The following TCERG1L variants were observed in gnomAD, a reference collection of about 807,000 sequenced individuals.
The protein encoded by TCERG1L is transcription elongation regulator 1 like.
A neutral mutation model predicts 56.3 loss-of-function variants in TCERG1L; 37 were observed. The ratio of observed to expected loss-of-function variants is 0.66; its 90% confidence interval spans 0.51 to 0.87. TCERG1L has a LOEUF of 0.87. Ranked by LOEUF, TCERG1L falls within the 40% of genes least tolerant of loss-of-function variation. The probability of loss-of-function intolerance (pLI) is 0.00; values close to 1 mark genes in which losing one functional copy is unlikely to be tolerated. For synonymous variants in TCERG1L, 324 were observed against 326.3 expected, an observed-to-expected ratio of 0.99 and a Z score of 0.08; for missense variants, 799 against 774.2, an observed-to-expected ratio of 1.03 and a Z score of -0.38.
At chr10:131,231,572 G>T (rs867551040) in intron 4 of TCERG1L, among the ~76,000 whole-genome samples, 2 of 152,052 alleles carry the variant, frequency 1.3e-5, no homozygotes, top group Admixed American at 6.5e-5. Context: ...GAGCCCCTCC[G>T]GCATCAGAGG....
chr10:131,097,825 G>T (rs1156663433), intron 11 of TCERG1L, among the ~76,000 whole-genome samples: 1 of 152,114 alleles, frequency 6.6e-6, no homozygotes, highest in African/African-American at 2.4e-5. Context: ...CAGTTCACTT[G>T]TCCGGTGTAT....
chr10:131,257,621 A>T (rs1564827380), intron 4 of TCERG1L, among the ~76,000 whole-genome samples: 1 of 152,182 alleles, frequency 6.6e-6, no homozygotes, highest in East Asian at 1.9e-4. Flanking sequence ...CCACAGAGCC[A>T]CTACCTATAC....
intron 3 of TCERG1L, among the ~76,000 whole-genome samples, chr10:131,289,803 T>C (rs1846591208): frequency 2.2e-5 from 1 of 45,352 alleles, no homozygotes; most frequent in African/African-American, 6.2e-5. Flanking sequence ...CTGCTGTGTG[T>C]GAGCAGGTGT....
chr10:131,202,379 C>T (rs1343242425), intron 4 of TCERG1L, among the ~76,000 whole-genome samples: 4 of 152,042 alleles, frequency 2.6e-5, no homozygotes, highest in African/African-American at 7.2e-5. Context: ...GTCAGGAGTC[C>T]GAGACCAGTC....
intron 9 of TCERG1L, among the ~76,000 whole-genome samples, chr10:131,110,544 C>T (rs1845400116): frequency 2.0e-5 from 3 of 152,210 alleles, no homozygotes; most frequent in South Asian, 4.1e-4. Context: ...CCCCAAAGCA[C>T]GGCCCGAGCC....
rs534109032 is a variant in TCERG1L, at chr10:131,259,135, G to A, written c.856+1124C>T. 9.2e-5 allele frequency among the ~76,000 whole-genome samples: 14 copies of A among 152,278 alleles called. 1 individual carries two copies. In the South Asian group the frequency reaches 2.7e-3, roughly 29 times the overall value. On this transcript the variant is annotated intron_variant, in intron 4 of 11. Transcript: ENST00000368642. ...AACCAGCATAGAAATAGCGAACGCCGAAGGTCCATTGTTGAAAAAGACCAC... is the reference window on the plus strand; with the variant it reads ...AACCAGCATAGAAATAGCGAACGCCAAAGGTCCATTGTTGAAAAAGACCAC...
At chr10:131,155,838 C>G (rs56385408) in intron 6 of TCERG1L, among the ~76,000 whole-genome samples, 1 of 152,176 alleles carries the variant, frequency 6.6e-6, no homozygotes, top group Non-Finnish European at 1.5e-5. Flanking sequence ...CTCTCAAATG[C>G]GAGCTAAATG....
Position 131,223,603 on chromosome 10 carries a change from C to CACATGCTCACACACACTG in TCERG1L, c.856+36638_856+36655dup, listed in dbSNP as rs960616887. 5.3e-5 allele frequency among the ~76,000 whole-genome samples: 8 copies of CACATGCTCACACACACTG among 152,182 alleles called. No homozygotes were observed. The East Asian group carries it at 1.4e-3, about 26-fold the overall frequency. The stretch of plus-strand genomic sequence containing the variant: ...CAAAGCACATGTGTGCACACTCACC[C>CACATGCTCACACACACTG]ACATGCTCACACACACTGACATGCT... On this transcript the variant is annotated intron_variant, in intron 4 of 11. Coordinates refer to ENST00000368642, the MANE Select transcript of TCERG1L (RefSeq NM_174937.4).
chr10:131,293,833 G>A (rs532932791), intron 3 of TCERG1L, among the ~76,000 whole-genome samples: 1 of 152,194 alleles, frequency 6.6e-6, no homozygotes, highest in East Asian at 1.9e-4. Flanking sequence ...TTCAGGTTGG[G>A]TAATTTTATT....
chr10:131,210,943 T>C (rs1012491432), intron 4 of TCERG1L, among the ~76,000 whole-genome samples: 1 of 152,194 alleles, frequency 6.6e-6, no homozygotes, highest in Non-Finnish European at 1.5e-5. Context: ...TTTCCTCCAA[T>C]GAAGATTTAC....
At chr10:131,268,706 A>G (rs1251141109) in intron 3 of TCERG1L, among the ~76,000 whole-genome samples, 1 of 152,164 alleles carries the variant, frequency 6.6e-6, no homozygotes, top group Non-Finnish European at 1.5e-5. Flanking sequence ...TTCACCTTAC[A>G]CTTTTATGTT....
At chr10:131,291,405 T>C (rs949736356) in intron 3 of TCERG1L, among the ~76,000 whole-genome samples, 1 of 33,936 alleles carries the variant, frequency 2.9e-5, no homozygotes, top group East Asian at 8.6e-4. Context: ...GCATTTCTTT[T>C]TTTTTTTTTT....
chr10:131,258,350 A>T (rs939624634), intron 4 of TCERG1L, among the ~76,000 whole-genome samples: 12 of 152,148 alleles, frequency 7.9e-5, no homozygotes, highest in African/African-American at 2.9e-4. Context: ...ACATGTTAGG[A>T]TGGTTTTCTT....
chr10:131,199,869 C>G (rs1057499081), intron 4 of TCERG1L, among the ~76,000 whole-genome samples: 1 of 152,186 alleles, frequency 6.6e-6, no homozygotes, highest in Admixed American at 6.5e-5. Flanking sequence ...AACACCTACT[C>G]GGAGCACTCC....
At chr10:131,211,305 G>A (rs1845617121) in intron 4 of TCERG1L, among the ~76,000 whole-genome samples, 1 of 152,246 alleles carries the variant, frequency 6.6e-6, no homozygotes, top group Non-Finnish European at 1.5e-5. Context: ...AACCGGATCA[G>A]ATGCCTCACA....
intron 4 of TCERG1L, among the ~76,000 whole-genome samples, chr10:131,176,065 G>C (rs186543796): frequency 1.4e-3 from 213 of 152,320 alleles, no homozygotes; most frequent in Middle Eastern, 0.01. Flanking sequence ...TCAGTCTGTC[G>C]CTTCGTCGAG....
chr10:131,179,145 C>G (rs938833091), intron 4 of TCERG1L, among the ~76,000 whole-genome samples: 7 of 152,290 alleles, frequency 4.6e-5, no homozygotes, highest in African/African-American at 1.4e-4. Context: ...TCAGGCTGCC[C>G]GGATCAGGAG....
intron 7 of TCERG1L, among the ~76,000 whole-genome samples, chr10:131,135,898 G>A (rs542854952): frequency 3.0e-4 from 45 of 152,332 alleles, no homozygotes; most frequent in African/African-American, 1.0e-3. Flanking sequence ...CCGGAAGGGC[G>A]GAGGAGCCAC....
chr10:131,267,827 C>T lies in TCERG1L; in HGVS notation c.671-7383G>A, dbSNP rs1011738841. On this transcript the variant is annotated intron_variant, in intron 3 of 11. Transcript: ENST00000368642. The surrounding 1 kb of genome is among the most constrained non-coding windows in gnomAD (Gnocchi z 4.9). ...GCCCTGTCCACCTCCTTGCAGACTT[C>T]GGTGGGGGCTCCAGGGCCTTGCCAG... Among the ~76,000 whole-genome samples the T allele has an allele frequency of 2.6e-5, 4 of 152,168 alleles. No homozygotes were observed. The highest frequency in any genetic ancestry group is 7.2e-5 in the African/African-American group (3 of 41,440).
Sources: gnomAD v4.1 joint callset for allele counts (sites outside exome capture counted in the v4.1 genomes callset) on GRCh38, gnomAD v4.1.1 for gene constraint, Gnocchi (gnomAD v3.1) non-coding constraint, MANE v1.5 for transcripts, NCBI Gene and HGNC (gene_info 2026-07-23, HGNC 2026-07-21) for gene names.